The following RAB27A variants were observed in gnomAD, a reference collection of about 807,000 sequenced individuals.
RAB27A encodes RAB27A, member RAS oncogene family.
RAB27A carries 17 observed loss-of-function variants against 20.8 expected under a neutral mutation model. That is an observed-to-expected ratio of 0.82 (90% CI 0.56 to 1.23). RAB27A has a LOEUF of 1.23. Ranked by LOEUF, RAB27A falls within the 50% of genes most tolerant of loss-of-function variation. The pLI is 0.00. For synonymous variants in RAB27A, 85 were observed against 92.8 expected, an observed-to-expected ratio of 0.92 and a Z score of 0.48; for missense variants, 277 against 266.7, an observed-to-expected ratio of 1.04 and a Z score of -0.27.
intron 6 of RAB27A, among the ~76,000 whole-genome samples, chr15:55,221,345 T>C (rs371765881): frequency 2.6e-5 from 4 of 152,202 alleles, no homozygotes; most frequent in Admixed American, 6.5e-5. Context: ...ATGGTTTCCA[T>C]TGCTTCATCA....
At position 55,203,163 on chromosome 15, in the gene RAB27A, A is replaced by C. The variant is rs1894473808; in HGVS notation, c.*2344T>G. ...AATTAAAGGTGGCTTTTGTGTGTGC[A>C]CTATATCATGTATACACTTAATTGT... On this transcript the variant is annotated 3_prime_UTR_variant, in exon 7 of 7. Transcript: ENST00000336787. 1 of 152,220 alleles carries C rather than the reference A, an allele frequency of 6.6e-6. No homozygotes were observed. The highest frequency in any genetic ancestry group is 2.1e-4 in the South Asian group (1 of 4,834). The allele number at this position is 152,220 out of a possible 1,614,324, so 9.4% of individuals were successfully genotyped here. A position where few individuals can be genotyped will look rare whatever the true frequency, so the allele number is the denominator to read the frequency against.
chr15:55,241,243 A>G (rs572227852), intron 2 of RAB27A, among the ~76,000 whole-genome samples: 1 of 152,300 alleles, frequency 6.6e-6, no homozygotes, highest in South Asian at 2.1e-4. Context: ...TGCCTTGAGA[A>G]AAGTGCTGTC....
chr15:55,278,747 G>T (rs890058885), intron 1 of RAB27A, among the ~76,000 whole-genome samples: 5 of 152,170 alleles, frequency 3.3e-5, no homozygotes, highest in African/African-American at 1.2e-4. Context: ...CTCCCAAAGT[G>T]CTGGGATTAC....
At chr15:55,247,567 CAA>C (rs1459658315) in intron 2 of RAB27A, among the ~76,000 whole-genome samples, 1 of 152,136 alleles carries the variant, frequency 6.6e-6, no homozygotes, top group Non-Finnish European at 1.5e-5. Flanking sequence ...TCAACTTCCT[CAA>C]GTTTTCTGTT....
chr15:55,306,455 G>A (rs2054997228), intron 2 of RAB27A, among the ~76,000 whole-genome samples: 1 of 152,160 alleles, frequency 6.6e-6, no homozygotes, highest in African/African-American at 2.4e-5. Flanking sequence ...GTAGGGGCTA[G>A]GCGTGCTATG....
chr15:55,209,670 A>ATC (rs972165831), intron 6 of RAB27A, among the ~76,000 whole-genome samples: 8 of 150,904 alleles, frequency 5.3e-5, no homozygotes, highest in Admixed American at 1.3e-4. Flanking sequence ...ATATATATAT[A>ATC]TCTCTCTCCT....
At chr15:55,225,586 A>C (rs1269520131) in intron 5 of RAB27A, among the ~76,000 whole-genome samples, 2 of 152,196 alleles carry the variant, frequency 1.3e-5, no homozygotes, top group Non-Finnish European at 2.9e-5. Flanking sequence ...ATGCACATTC[A>C]CATTTGAGAA....
intron 5 of RAB27A, among the ~76,000 whole-genome samples, chr15:55,227,726 C>A (rs1277856119): frequency 6.6e-6 from 1 of 152,130 alleles, no homozygotes; most frequent in Non-Finnish European, 1.5e-5. Flanking sequence ...ATGTGAAAAC[C>A]ACAGTGCACT....
chr15:55,278,983 T>G (rs1897947192), intron 1 of RAB27A, among the ~76,000 whole-genome samples: 1 of 152,158 alleles, frequency 6.6e-6, no homozygotes, highest in African/African-American at 2.4e-5. Flanking sequence ...CATTTATTAA[T>G]TACAGCCTGA....
intron 2 of RAB27A, among the ~76,000 whole-genome samples, chr15:55,308,902 C>G (rs1315257452): frequency 6.6e-6 from 1 of 152,200 alleles, no homozygotes; most frequent in Non-Finnish European, 1.5e-5. Flanking sequence ...AACAATGAGG[C>G]CAACCCTTTG....
chr15:55,244,508 CG>C (rs1896615420), intron 2 of RAB27A, among the ~76,000 whole-genome samples: 1 of 151,966 alleles, frequency 6.6e-6, no homozygotes, highest in Non-Finnish European at 1.5e-5. Context: ...GGGGAGATGA[CG>C]TCTCCCTATG....
At chr15:55,291,285 C>T (rs978935268), upstream of RAB27A, among the ~76,000 whole-genome samples, 35 of 152,026 alleles carry the variant, frequency 2.3e-4, no homozygotes. Flanking sequence ...CCGAGGCCGG[C>T]AGATCACGAA....
intron 2 of RAB27A, among the ~76,000 whole-genome samples, chr15:55,249,366 C>A (rs999148416): frequency 6.6e-6 from 1 of 152,118 alleles, no homozygotes; most frequent in African/African-American, 2.4e-5. Context: ...CCTTGACCTC[C>A]CCAGCTTAAG....
chr15:55,258,422 A>G (rs1489564021), intron 2 of RAB27A, among the ~76,000 whole-genome samples: 2 of 152,172 alleles, frequency 1.3e-5, no homozygotes, highest in African/African-American at 4.8e-5. Context: ...ATCAAAGGCA[A>G]TAGGTTTTAG....
intron 5 of RAB27A, among the ~76,000 whole-genome samples, chr15:55,226,509 TTGTGTGTGTGTGTG>T (rs36074324): frequency 6.7e-6 from 1 of 148,758 alleles, no homozygotes; most frequent in African/African-American, 2.5e-5. Context: ...TTTTATGTAT[TTGTGTGTGTGTGTG>T]TGTGTGTGTG....
intron 6 of RAB27A, among the ~76,000 whole-genome samples, chr15:55,208,610 AC>A (rs1455562079): frequency 6.6e-6 from 1 of 151,994 alleles, no homozygotes; most frequent in Non-Finnish European, 1.5e-5. Context: ...GGAAGAAAGG[AC>A]TCTTCCTCTG....
chr15:55,285,750 G>A (rs1207574812), intron 1 of RAB27A, among the ~76,000 whole-genome samples: 1 of 152,176 alleles, frequency 6.6e-6, no homozygotes, highest in South Asian at 2.1e-4. Context: ...CCAACATGGT[G>A]AAACCCCGTT....
chr15:55,317,564 C>T (rs1034575626), intron 1 of RAB27A: 23 of 380,112 alleles, frequency 6.1e-5, no homozygotes, highest in African/African-American at 1.2e-4. Flanking sequence ...CCACCCGCCT[C>T]GGCCTCCCAA....
intron 2 of RAB27A, among the ~76,000 whole-genome samples, chr15:55,263,457 C>A (rs1273368203): frequency 6.6e-6 from 1 of 152,138 alleles, no homozygotes; most frequent in African/African-American, 2.4e-5. Context: ...TGGTGTTTCA[C>A]CCTCTAGAGA....
Sources: gnomAD v4.1 joint callset for allele counts (sites outside exome capture counted in the v4.1 genomes callset) on GRCh38, gnomAD v4.1.1 for gene constraint, MANE v1.5 for transcripts, NCBI Gene and HGNC (gene_info 2026-07-23, HGNC 2026-07-21) for gene names.